Variants in ADRA1B observed in about 807,000 individuals in gnomAD.
ADRA1B encodes alpha-1B adrenergic receptor.
A neutral mutation model predicts 17.9 loss-of-function variants in ADRA1B; 17 were observed. The ratio of observed to expected loss-of-function variants is 0.95; its 90% confidence interval spans 0.65 to 1.42. The LOEUF is 1.42. Ranked by LOEUF, ADRA1B falls within the 40% of genes most tolerant of loss-of-function variation. The pLI is 0.00. For missense variants in ADRA1B, 681 were observed against 722.1 expected (o/e 0.94, Z 0.65); for synonymous variants, 366 against 327.6 (o/e 1.12, Z -1.27).
At chr5:159,939,322 T>C (rs62377693) in intron 1 of ADRA1B, among the ~76,000 whole-genome samples, 57,001 of 106,320 alleles carry the variant, frequency 0.54, 12,961 homozygotes, top group East Asian at 0.69. Context: ...TGTGTGTGTG[T>C]GCGCGCGCGC....
At chr5:159,945,292 C>T (rs1755237788) in intron 1 of ADRA1B, among the ~76,000 whole-genome samples, 2 of 152,048 alleles carry the variant, frequency 1.3e-5, no homozygotes, top group South Asian at 4.1e-4. Flanking sequence ...GTGGAGGTTG[C>T]AGTGAGCCCA....
chr5:159,907,265 G>A (rs1321245706), intron 1 of ADRA1B, among the ~76,000 whole-genome samples: 2 of 152,136 alleles, frequency 1.3e-5, no homozygotes, highest in Non-Finnish European at 2.9e-5. Flanking sequence ...ACCTCACTGT[G>A]GATAGAAATA....
chr5:159,943,235 T>A, intron 1 of ADRA1B, among the ~76,000 whole-genome samples: 1 of 150,310 alleles, frequency 6.7e-6, no homozygotes, highest in Non-Finnish European at 1.5e-5. Flanking sequence ...CAATGAAAAA[T>A]GAAAAATAAA....
intron 1 of ADRA1B, among the ~76,000 whole-genome samples, chr5:159,967,428 G>C (rs1755795250): frequency 6.6e-6 from 1 of 152,156 alleles, no homozygotes; most frequent in Non-Finnish European, 1.5e-5. Flanking sequence ...GAATGGGTCA[G>C]GATATAAAGT....
chr5:159,926,967 C>T (rs1354968252), intron 1 of ADRA1B, among the ~76,000 whole-genome samples: 10 of 152,118 alleles, frequency 6.6e-5, no homozygotes, highest in Non-Finnish European at 1.3e-4. Flanking sequence ...TGTCTCCTTC[C>T]TCAAAACTAC....
rs961893748 is a variant in ADRA1B, at chr5:159,972,523, G to T, written c.*31G>T. 6 of 664,324 alleles carry T rather than the reference G, an allele frequency of 9.0e-6. No individual in the cohort carries two copies. The highest frequency in any genetic ancestry group is 8.2e-5 in the African/African-American group (4 of 48,696). 41.2% of individuals were successfully genotyped at this position (664,324 alleles called of 1,614,324 possible). On this transcript the variant is annotated 3_prime_UTR_variant, in exon 2 of 2. Transcript: ENST00000306675. ...CCGTGCGCAGCTTTCTTTCCCTGGGGAGGAAAACATCGTGGGGGGGAGGGG... is the reference window on the plus strand; with the variant it reads ...CCGTGCGCAGCTTTCTTTCCCTGGGTAGGAAAACATCGTGGGGGGGAGGGG...
chr5:159,920,091 G>C (rs151153345), intron 1 of ADRA1B, among the ~76,000 whole-genome samples: 278 of 152,280 alleles, frequency 1.8e-3, no homozygotes, highest in Non-Finnish European at 2.9e-3. Flanking sequence ...CGAACCCCCA[G>C]CAAATAGGAT....
At chr5:159,907,318 G>A (rs533383999) in intron 1 of ADRA1B, among the ~76,000 whole-genome samples, 1 of 152,304 alleles carries the variant, frequency 6.6e-6, no homozygotes, top group South Asian at 2.1e-4. Flanking sequence ...AATTTCAGAA[G>A]TTGCCTCTCA....
chr5:159,941,950 T>G (rs1252189304), intron 1 of ADRA1B, among the ~76,000 whole-genome samples: 13 of 129,926 alleles, frequency 1.0e-4, no homozygotes, highest in African/African-American at 4.0e-4. Flanking sequence ...TGAGACAGAG[T>G]CTCGCTCTGT....
At chr5:159,883,528 C>T (rs1753885717) in intron 1 of ADRA1B, among the ~76,000 whole-genome samples, 1 of 152,204 alleles carries the variant, frequency 6.6e-6, no homozygotes, top group Admixed American at 6.5e-5. Flanking sequence ...GAGCAACAGT[C>T]AGTGCCAACA....
chr5:159,938,917 G>A (rs1202573010), intron 1 of ADRA1B, among the ~76,000 whole-genome samples: 1 of 152,168 alleles, frequency 6.6e-6, no homozygotes, highest in Non-Finnish European at 1.5e-5. Flanking sequence ...GGGGCAGCCA[G>A]TCCGAAACTA....
At chr5:159,882,244 G>T (rs1415278020) in intron 1 of ADRA1B, among the ~76,000 whole-genome samples, 1 of 152,124 alleles carries the variant, frequency 6.6e-6, no homozygotes, top group Non-Finnish European at 1.5e-5. Context: ...TCATCAAAGG[G>T]TGTGCCTCAG....
At chr5:159,897,322 CTACAAA>C (rs1390819601) in intron 1 of ADRA1B, among the ~76,000 whole-genome samples, 15 of 151,936 alleles carry the variant, frequency 9.9e-5, no homozygotes, top group Non-Finnish European at 5.9e-5. Context: ...CCCGTCTCTA[CTACAAA>C]TACAAAAATT....
At position 159,972,469 on chromosome 5, in the gene ADRA1B, C is replaced by A; in HGVS notation, c.1540C>A (p.Pro514Thr). ...GCAGCCGGGCTTCAAAAGCAACATG[C>A]CCCTGGCGCCCGGGCAGTTTTAGGG... is the stretch of plus-strand genomic sequence containing the variant. ...NGQPGFKSNM[P>T]LAPGQF The change falls in exon 2 of 2, where the codon CCC (proline) becomes ACC (threonine). Residue 514 changes from proline to threonine, a missense_variant. By Grantham distance (38) the Pro-to-Thr change is conservative. This residue lies in a region of ADRA1B where 251 missense variants were observed against 224.9 expected (regional missense o/e 1.12). Coordinates refer to ENST00000306675, the MANE Select transcript of ADRA1B (RefSeq NM_000679.4). The A allele has an allele frequency of 6.8e-7, 1 of 1,472,424 alleles. No homozygotes were observed. 91.2% of individuals were successfully genotyped at this position (1,472,424 alleles called of 1,614,324 possible). A position where few individuals can be genotyped will look rare whatever the true frequency, so the allele number is the denominator to read the frequency against.
intron 1 of ADRA1B, chr5:159,951,543 G>A: frequency 1.7e-6 from 1 of 599,190 alleles, no homozygotes; most frequent in African/African-American, 1.8e-5. Context: ...AGATGCAGCT[G>A]TCTGTCGAAC....
intron 1 of ADRA1B, among the ~76,000 whole-genome samples, chr5:159,924,645 G>T (rs72808195): frequency 1.3e-5 from 2 of 152,094 alleles, no homozygotes; most frequent in African/African-American, 4.8e-5. Context: ...ACCCACCCCT[G>T]CTGGAGCAAA....
intron 1 of ADRA1B, among the ~76,000 whole-genome samples, chr5:159,943,889 TTCTC>T (rs34807519): frequency 0.14 from 19,828 of 139,760 alleles, 1,687 homozygotes; most frequent in East Asian, 0.34. Flanking sequence ...TTGGCTCTCA[TTCTC>T]TCTCTCTCTC....
At chr5:159,983,900 G>A in the ADRA1B span, among the ~76,000 whole-genome samples, 1 of 151,724 alleles carries the variant, frequency 6.6e-6, no homozygotes. Flanking sequence ...TTCCCTCCCC[G>A]CGTTCTTGCT....
chr5:159,880,331 C>T (rs1753849964), intron 1 of ADRA1B, among the ~76,000 whole-genome samples: 2 of 152,202 alleles, frequency 1.3e-5, no homozygotes, highest in Admixed American at 1.3e-4. Context: ...TCTTCTTCCC[C>T]ACACCAGGCA....
Sources: gnomAD v4.1 joint callset for allele counts (sites outside exome capture counted in the v4.1 genomes callset) on GRCh38, gnomAD v4.1.1 for gene constraint, gnomAD v4.1.1 regional missense constraint, MANE v1.5 for transcripts, NCBI Gene and HGNC (gene_info 2026-07-23, HGNC 2026-07-21) for gene names.